PHTF2: variants seen among roughly 807,000 people sequenced by gnomAD.
The protein encoded by PHTF2 is protein PHTF2.
In PHTF2, 60 loss-of-function variants were observed where a neutral mutation model predicts 101.2. The ratio of observed to expected loss-of-function variants is 0.59; its 90% CI spans 0.48 to 0.73. The LOEUF is 0.73. Ranked by LOEUF, PHTF2 falls within the 30% of genes least tolerant of loss-of-function variation. The probability of loss-of-function intolerance (pLI) is 0.00; values close to 1 mark genes in which losing one functional copy is unlikely to be tolerated. For missense variants in PHTF2, 747 were observed against 908.7 expected (o/e 0.82, Z 2.29); for synonymous variants, 311 against 307.3 (o/e 1.01, Z -0.13).
chr7:77,950,285 G>C (rs1289159190), intron 17 of PHTF2, among the ~76,000 whole-genome samples: 2 of 152,134 alleles, frequency 1.3e-5, no homozygotes, highest in Non-Finnish European at 2.9e-5. Flanking sequence ...GTTAGGGATA[G>C]TTTGATTTTA....
chr7:77,928,708 G>A (rs2150940589), intron 11 of PHTF2, among the ~76,000 whole-genome samples: 1 of 152,248 alleles, frequency 6.6e-6, no homozygotes, highest in African/African-American at 2.4e-5. Context: ...CTGCAGATGT[G>A]GAATGCATGG....
At chr7:77,860,209 A>G (rs1445604403) in intron 3 of PHTF2, among the ~76,000 whole-genome samples, 4 of 152,232 alleles carry the variant, frequency 2.6e-5, no homozygotes, top group Admixed American at 6.5e-5. Flanking sequence ...TGTGTATAAA[A>G]TATTAATCTG....
intron 12 of PHTF2, among the ~76,000 whole-genome samples, chr7:77,932,053 A>G (rs1804616527): frequency 1.3e-5 from 2 of 152,180 alleles, no homozygotes; most frequent in Admixed American, 1.3e-4. Context: ...GTGAGCTGAG[A>G]TGGCGCTATT....
chr7:77,854,357 C>G (rs920635096), intron 2 of PHTF2, among the ~76,000 whole-genome samples: 1 of 152,128 alleles, frequency 6.6e-6, no homozygotes, highest in Non-Finnish European at 1.5e-5. Flanking sequence ...GATGCATGCA[C>G]CCCTTTGGCT....
intron 1 of PHTF2, among the ~76,000 whole-genome samples, chr7:77,816,441 T>C (rs1475735679): frequency 6.6e-6 from 1 of 152,188 alleles, no homozygotes; most frequent in Non-Finnish European, 1.5e-5. Flanking sequence ...TGTTTCATTT[T>C]GCTCAATTCA....
intron 3 of PHTF2, among the ~76,000 whole-genome samples, chr7:77,887,048 A>T (rs891591465): frequency 5.1e-5 from 3 of 58,474 alleles, no homozygotes; most frequent in African/African-American, 2.2e-4. Context: ...CCTGTCTTTA[A>T]AAAAAAAAAA....
At chr7:77,926,613 G>A (rs1041662154) in intron 11 of PHTF2, among the ~76,000 whole-genome samples, 2 of 151,944 alleles carry the variant, frequency 1.3e-5, no homozygotes, top group Non-Finnish European at 2.9e-5. Flanking sequence ...TTGTGGACTC[G>A]TAGTATATTT....
intron 11 of PHTF2, among the ~76,000 whole-genome samples, chr7:77,925,118 A>T (rs1290168705): frequency 6.6e-6 from 1 of 152,210 alleles, no homozygotes. Context: ...ACATTTGATG[A>T]GAAGCGTAAT....
intron 3 of PHTF2, among the ~76,000 whole-genome samples, chr7:77,876,655 G>C (rs1798965608): frequency 6.6e-6 from 1 of 152,092 alleles, no homozygotes; most frequent in African/African-American, 2.4e-5. Context: ...CACTTTGGGA[G>C]GGCAAAGAGG....
chr7:77,830,074 A>G (rs1488551871), intron 1 of PHTF2, among the ~76,000 whole-genome samples: 1 of 152,206 alleles, frequency 6.6e-6, no homozygotes, highest in African/African-American at 2.4e-5. Flanking sequence ...TGTTTAATAT[A>G]GGCGAAAAGT....
chr7:77,846,342 G>C (rs1217975074), intron 2 of PHTF2, among the ~76,000 whole-genome samples: 1 of 152,142 alleles, frequency 6.6e-6, no homozygotes, highest in South Asian at 2.1e-4. Context: ...GAGAAATGAA[G>C]CCTTCTGGGA....
chr7:77,894,105 T>C (rs1186767636), intron 5 of PHTF2, 112 bp downstream of exon 4: 10 of 863,660 alleles, frequency 1.2e-5, no homozygotes, highest in East Asian at 2.4e-5. Flanking sequence ...TCGAAAAGAG[T>C]CACTGAAAAG....
At chr7:77,861,287 A>G (rs1038466542) in intron 3 of PHTF2, among the ~76,000 whole-genome samples, 1 of 152,170 alleles carries the variant, frequency 6.6e-6, no homozygotes, top group Admixed American at 6.5e-5. Flanking sequence ...AACAAAACAA[A>G]TGATGCATTA....
At chr7:77,926,478 A>G (rs959404224) in intron 11 of PHTF2, among the ~76,000 whole-genome samples, 2 of 152,092 alleles carry the variant, frequency 1.3e-5, no homozygotes, top group African/African-American at 4.8e-5. Context: ...CACTCTATTA[A>G]CACACTGTAG....
rs1449455508 is a variant in PHTF2, at chr7:77,854,586, G to A, written c.46-147G>A. 7 of 615,872 alleles carry A rather than the reference G, an allele frequency of 1.1e-5. No individual in the cohort carries two copies. In the East Asian group the frequency reaches 1.9e-4, roughly 17 times the overall value. The allele number at this position is 615,872 out of a possible 1,614,324, so 38.2% of individuals were successfully genotyped here. A position where few individuals can be genotyped will look rare whatever the true frequency, so the allele number is the denominator to read the frequency against. ...CCGTACCCCCCAACCCCAGCCCAGG[G>A]CAGGTACAGAAATGCCATCCAGGAG... is the stretch of plus-strand genomic sequence containing the variant. On this transcript the variant is annotated intron_variant, in intron 2 of 19. Transcript: ENST00000416283.
At chr7:77,929,777 A>G (rs1451348165) in intron 12 of PHTF2, among the ~76,000 whole-genome samples, 2 of 152,110 alleles carry the variant, frequency 1.3e-5, no homozygotes, top group East Asian at 3.8e-4. Context: ...CTCATTAAAT[A>G]TTTTTTAAAG....
At chr7:77,936,228 A>G (rs1805113930) in intron 12 of PHTF2, among the ~76,000 whole-genome samples, 1 of 152,198 alleles carries the variant, frequency 6.6e-6, no homozygotes, top group Non-Finnish European at 1.5e-5. Context: ...GTTTACAAGA[A>G]ACATTTTTTT....
chr7:77,847,475 G>A (rs370540614), intron 2 of PHTF2, among the ~76,000 whole-genome samples: 1 of 152,136 alleles, frequency 6.6e-6, no homozygotes, highest in Non-Finnish European at 1.5e-5. Flanking sequence ...CTGAGCCTTA[G>A]TTTTTTCTTT....
At chr7:77,922,017 CTTTTT>C (rs35763664) in intron 10 of PHTF2, among the ~76,000 whole-genome samples, 2 of 95,264 alleles carry the variant, frequency 2.1e-5, no homozygotes, top group African/African-American at 9.0e-5. Context: ...GTTTATATTC[CTTTTT>C]TTTTTTTTTT....
Sources: gnomAD v4.1 joint callset for allele counts (sites outside exome capture counted in the v4.1 genomes callset) on GRCh38, gnomAD v4.1.1 for gene constraint, MANE v1.5 for transcripts, NCBI Gene and HGNC (gene_info 2026-07-23, HGNC 2026-07-21) for gene names.